Variants in KLHL1 observed in about 807,000 individuals in gnomAD.
KLHL1 encodes kelch-like protein 1.
In KLHL1, 47 loss-of-function variants were observed where a neutral mutation model predicts 77.7. The ratio of observed to expected loss-of-function variants is 0.60; its 90% CI spans 0.48 to 0.77. The LOEUF (loss-of-function observed/expected upper bound fraction) is 0.77, where lower values mean the gene tolerates loss of function less well. KLHL1 is among the 30% of genes least tolerant of loss of function. The pLI is 0.00. For synonymous variants in KLHL1, 360 were observed against 325.2 expected (o/e 1.11, Z -1.15); for missense variants, 925 against 910.8 (o/e 1.02, Z -0.20).
intron 4 of KLHL1, among the ~76,000 whole-genome samples, chr13:69,903,630 C>CTTGTTTTTTTT (rs1881947102): frequency 2.0e-5 from 1 of 50,182 alleles, no homozygotes; most frequent in Non-Finnish European, 3.2e-5. Context: ...TGTTCACATT[C>CTTGTTTTTTTT]TTTTTTTTTT....
chr13:69,981,365 G>A (rs868307089), intron 1 of KLHL1, among the ~76,000 whole-genome samples: 12 of 151,802 alleles, frequency 7.9e-5, no homozygotes, highest in African/African-American at 2.7e-4. Flanking sequence ...TAACGAAAAC[G>A]GCAAAATAAA....
chr13:70,000,331 A>G (rs1191370939), intron 1 of KLHL1, among the ~76,000 whole-genome samples: 1 of 152,056 alleles, frequency 6.6e-6, no homozygotes, highest in East Asian at 1.9e-4. Context: ...TGTGAAAATG[A>G]AAGTAGCTAA....
At chr13:69,815,987 A>G (rs1447191200) in intron 6 of KLHL1, among the ~76,000 whole-genome samples, 1 of 152,030 alleles carries the variant, frequency 6.6e-6, no homozygotes, top group Non-Finnish European at 1.5e-5. Flanking sequence ...TATAAAACAT[A>G]TTAATCAAGA....
At chr13:70,040,526 T>C (rs1408112658) in intron 1 of KLHL1, among the ~76,000 whole-genome samples, 1 of 152,188 alleles carries the variant, frequency 6.6e-6, no homozygotes, top group East Asian at 1.9e-4. Context: ...TTGAAAACTA[T>C]TGTGCTGCTT....
intron 6 of KLHL1, among the ~76,000 whole-genome samples, chr13:69,808,006 TA>T: frequency 6.6e-6 from 1 of 152,210 alleles, no homozygotes; most frequent in Admixed American, 6.5e-5. Context: ...GGATTGTCCC[TA>T]AGGGAGGATA....
chr13:70,057,469 CAAAA>C (rs56235725), intron 1 of KLHL1, among the ~76,000 whole-genome samples: 64 of 87,090 alleles, frequency 7.3e-4, no homozygotes, highest in African/African-American at 2.1e-3. Flanking sequence ...AAAGACACAT[CAAAA>C]AAAAAAAAAA....
chr13:70,104,649 TAC>T (rs1325891428), intron 1 of KLHL1, among the ~76,000 whole-genome samples: 1 of 152,150 alleles, frequency 6.6e-6, no homozygotes, highest in Non-Finnish European at 1.5e-5. Context: ...ATTTGTAAAA[TAC>T]AATGCTCATT....
intron 7 of KLHL1, among the ~76,000 whole-genome samples, chr13:69,760,165 G>C (rs1165173929): frequency 2.7e-5 from 4 of 150,242 alleles, no homozygotes; most frequent in Admixed American, 2.6e-4. Flanking sequence ...TACATTCAGT[G>C]CTAAGCCTAT....
chr13:69,972,454 CTTCAT>C (rs1450180621), intron 2 of KLHL1, among the ~76,000 whole-genome samples: 2 of 151,736 alleles, frequency 1.3e-5, no homozygotes, highest in East Asian at 3.9e-4. Context: ...TCATTTTATT[CTTCAT>C]TTAAGTTTTC....
chr13:69,818,117 T>C (rs1878192127), intron 6 of KLHL1, among the ~76,000 whole-genome samples: 2 of 152,088 alleles, frequency 1.3e-5, no homozygotes, highest in South Asian at 4.1e-4. Flanking sequence ...AGCCTTATTT[T>C]ATTCTTGGAT....
intron 5 of KLHL1, among the ~76,000 whole-genome samples, chr13:69,849,541 A>T (rs554820632): frequency 6.6e-6 from 1 of 151,218 alleles, no homozygotes; most frequent in Non-Finnish European, 1.5e-5. Flanking sequence ...TGGGGCTTCT[A>T]TTAAAATATG....
chr13:69,700,704 G>A lies in KLHL1; in HGVS notation c.*998C>T, dbSNP rs903135604. ...TTGTTTTAAACAATTACAAACATGT[G>A]GCTTAAAATAATGTACAGATCAATG... On this transcript the variant is annotated 3_prime_UTR_variant, in exon 11 of 11. Coordinates refer to ENST00000377844, the MANE Select transcript of KLHL1 (RefSeq NM_020866.3). 6.6e-6 allele frequency: 1 copy of A among 152,240 alleles called. No individual in the cohort carries two copies. The highest frequency in any genetic ancestry group is 2.4e-5 in the African/African-American group (1 of 41,364). The allele number at this position is 152,240 out of a possible 1,614,324, so 9.4% of individuals were successfully genotyped here. A position where few individuals can be genotyped will look rare whatever the true frequency, so the allele number is the denominator to read the frequency against.
chr13:69,880,325 T>C (rs1285668024), intron 5 of KLHL1, among the ~76,000 whole-genome samples: 2 of 152,294 alleles, frequency 1.3e-5, no homozygotes, highest in East Asian at 3.9e-4. Context: ...CCTTCTTTTA[T>C]ATGAAGACAT....
At chr13:69,845,562 G>T (rs1879426871) in intron 5 of KLHL1, among the ~76,000 whole-genome samples, 1 of 151,528 alleles carries the variant, frequency 6.6e-6, no homozygotes, top group African/African-American at 2.4e-5. Context: ...TTATATAGTT[G>T]AAATTGCAAG....
intron 5 of KLHL1, among the ~76,000 whole-genome samples, chr13:69,874,311 T>C (rs1372194815): frequency 6.6e-6 from 1 of 152,074 alleles, no homozygotes; most frequent in Non-Finnish European, 1.5e-5. Flanking sequence ...CTATACTCAC[T>C]ATTTTGGTGA....
In KLHL1 at chr13:69,988,201, G is replaced by C. The variant is rs554164482; in HGVS notation, c.498-12399C>G. On this transcript the variant is annotated intron_variant, in intron 1 of 10. Coordinates refer to ENST00000377844, the MANE Select transcript of KLHL1 (RefSeq NM_020866.3). Reference sequence around the variant, plus strand: ...TTACTTAGCTGCTACTTATAAGTGAGAATGTGTGGTGGTGTTTGGTTTTCT... The same window carrying C: ...TTACTTAGCTGCTACTTATAAGTGACAATGTGTGGTGGTGTTTGGTTTTCT... Among the ~76,000 whole-genome samples the C allele has an allele frequency of 1.8e-4, 27 of 152,078 alleles. No individual in the cohort carries two copies. In the South Asian group the frequency reaches 5.6e-3, roughly 32 times the overall value.
At chr13:69,724,027 AG>A (rs1873188159) in intron 8 of KLHL1, among the ~76,000 whole-genome samples, 4 of 151,928 alleles carry the variant, frequency 2.6e-5, no homozygotes, top group African/African-American at 9.7e-5. Context: ...TAGTAAAAAC[AG>A]GGTTTCACCA....
intron 1 of KLHL1, among the ~76,000 whole-genome samples, chr13:70,044,615 CCA>C (rs1886452975): frequency 6.6e-6 from 1 of 151,962 alleles, no homozygotes; most frequent in Non-Finnish European, 1.5e-5. Context: ...TGAAGAACAT[CCA>C]CATTCTCCAA....
chr13:70,104,623 T>C (rs1888003570), intron 1 of KLHL1, among the ~76,000 whole-genome samples: 1 of 152,128 alleles, frequency 6.6e-6, no homozygotes, highest in Non-Finnish European at 1.5e-5. Context: ...AGGATTAATT[T>C]AGCAGAAAAG....
Sources: allele counts gnomAD v4.1 joint callset (sites outside exome capture counted in the v4.1 genomes callset), GRCh38; gene constraint gnomAD v4.1.1; transcripts MANE v1.5; gene names NCBI Gene and HGNC (gene_info 2026-07-23, HGNC 2026-07-21).